ARHGAP28: variants seen among roughly 807,000 people sequenced by gnomAD.
ARHGAP28 encodes Rho GTPase activating protein 28.
A neutral mutation model predicts 90.7 loss-of-function variants in ARHGAP28; 56 were observed. The observed-to-expected ratio is 0.62, with a 90% CI of 0.50 to 0.77. The LOEUF is 0.77. ARHGAP28 is among the 30% of genes least tolerant of loss of function. The pLI is 0.00. For missense variants in ARHGAP28, 869 were observed against 900.9 expected (o/e 0.96, Z 0.45); for synonymous variants, 308 against 323.3 (o/e 0.95, Z 0.51).
chr18:6,907,910 A>G (rs1282620613), intron 16 of ARHGAP28, among the ~76,000 whole-genome samples: 4 of 152,114 alleles, frequency 2.6e-5, no homozygotes, highest in Non-Finnish European at 5.9e-5. Context: ...ACAACAACAA[A>G]AAAAGAGGGC....
At chr18:6,786,966 C>G (rs1004307599) in intron 1 of ARHGAP28, among the ~76,000 whole-genome samples, 2 of 151,890 alleles carry the variant, frequency 1.3e-5, no homozygotes, top group Non-Finnish European at 2.9e-5. Flanking sequence ...TGCCTGTGAT[C>G]CCAGCACTTT....
intron 1 of ARHGAP28, among the ~76,000 whole-genome samples, chr18:6,773,752 G>C (rs1490928831): frequency 6.6e-6 from 1 of 152,078 alleles, no homozygotes; most frequent in Non-Finnish European, 1.5e-5. Flanking sequence ...CAACAGTTAT[G>C]GTTTTTGCTT....
At chr18:6,801,325 T>A (rs1027037610) in intron 1 of ARHGAP28, among the ~76,000 whole-genome samples, 1 of 152,192 alleles carries the variant, frequency 6.6e-6, no homozygotes. Context: ...TAACAACATA[T>A]GTGTTAGTGT....
intron 12 of ARHGAP28, 43 bp from the exon 13 acceptor site, chr18:6,889,845 T>TTGACAG: frequency 6.3e-7 from 1 of 1,589,238 alleles, no homozygotes; most frequent in Non-Finnish European, 8.6e-7. Flanking sequence ...AGGGGCACTT[T>TTGACAG]TGACAGTGTA....
intron 16 of ARHGAP28, chr18:6,898,791 A>C: frequency 8.2e-7 from 1 of 1,217,342 alleles, no homozygotes; most frequent in Non-Finnish European, 1.0e-6. Flanking sequence ...GGAATGGAAA[A>C]CCAAACATCA....
intron 16 of ARHGAP28, among the ~76,000 whole-genome samples, chr18:6,907,491 A>G (rs2057370506): frequency 3.3e-5 from 5 of 152,172 alleles, no homozygotes; most frequent in Admixed American, 3.3e-4. Flanking sequence ...ATAAAAATGC[A>G]GCAACTTGGG....
intron 16 of ARHGAP28, among the ~76,000 whole-genome samples, chr18:6,905,266 T>TA (rs1354784487): frequency 6.6e-6 from 1 of 151,788 alleles, no homozygotes; most frequent in African/African-American, 2.4e-5. Flanking sequence ...GATTTAACAT[T>TA]AAAAAATCAA....
chr18:6,794,136 C>T (rs1274394662), intron 1 of ARHGAP28, among the ~76,000 whole-genome samples: 1 of 152,100 alleles, frequency 6.6e-6, no homozygotes, highest in Non-Finnish European at 1.5e-5. Context: ...AAAATAGCTG[C>T]CACATTTGTT....
At chr18:6,870,943 G>GGC (rs2057082233) in intron 7 of ARHGAP28, among the ~76,000 whole-genome samples, 1 of 152,116 alleles carries the variant, frequency 6.6e-6, no homozygotes. Context: ...TGGGACTACA[G>GGC]GCACCTGCCA....
At chr18:6,898,015 G>C (rs1049773492) in intron 16 of ARHGAP28, 3 of 152,802 alleles carry the variant, frequency 2.0e-5, no homozygotes, top group African/African-American at 7.2e-5. Context: ...TGTTACCATT[G>C]TGGAAAATGG....
At chr18:6,733,401 C>CT (rs1399200321) in intron 1 of ARHGAP28, among the ~76,000 whole-genome samples, 2 of 152,048 alleles carry the variant, frequency 1.3e-5, no homozygotes, top group Non-Finnish European at 2.9e-5. Flanking sequence ...TTTGGGATTC[C>CT]TTCCCACACC....
At position 6,730,219 on chromosome 18, in the gene ARHGAP28, G is replaced by GTATGTA. The variant is rs374482561; in HGVS notation, c.122+277_122+278insATGTAT. ...TTGATACGATTTGAGGATAAGTCAT[G>GTATGTA]TGTATATATATATATATACCTCATT... On this transcript the variant is annotated intron_variant, in intron 1 of 17. Transcript: ENST00000383472. The GTATGTA allele has an allele frequency of 2.5e-5, 4 of 158,806 alleles. 1 individual carries two copies. The highest frequency in any genetic ancestry group is 2.7e-4 in the South Asian group (1 of 3,646). The allele number at this position is 158,806 out of a possible 1,614,324, so 9.8% of individuals were successfully genotyped here.
At chr18:6,858,255 TTGTC>T (rs1429314576) in intron 4 of ARHGAP28, among the ~76,000 whole-genome samples, 2 of 152,186 alleles carry the variant, frequency 1.3e-5, no homozygotes, top group East Asian at 3.8e-4. Context: ...TCTTAATTAT[TTGTC>T]TGCGGCCCTT....
At chr18:6,810,244 T>G (rs527620168) in intron 1 of ARHGAP28, among the ~76,000 whole-genome samples, 25 of 152,258 alleles carry the variant, frequency 1.6e-4, no homozygotes, top group African/African-American at 5.1e-4. Flanking sequence ...TATAAAGGAA[T>G]GAAGGATGGG....
At chr18:6,841,178 CTCCTCTCTCTCTCT>C (rs1393826442) in intron 3 of ARHGAP28, among the ~76,000 whole-genome samples, 2 of 69,492 alleles carry the variant, frequency 2.9e-5, no homozygotes, top group Admixed American at 1.4e-4. Context: ...CTCTCTCTCT[CTCCTCTCTCTCTCT>C]CTCTCTCTCT....
chr18:6,884,387 A>G (rs1036965588), intron 11 of ARHGAP28, among the ~76,000 whole-genome samples: 1 of 152,286 alleles, frequency 6.6e-6, no homozygotes, highest in South Asian at 2.1e-4. Flanking sequence ...AAAGAAAAAA[A>G]AGTCCTTGTT....
chr18:6,773,801 A>G (rs144893605), intron 1 of ARHGAP28, among the ~76,000 whole-genome samples: 1 of 152,252 alleles, frequency 6.6e-6, no homozygotes, highest in East Asian at 1.9e-4. Flanking sequence ...TTAAGTGGAG[A>G]AAAGAAGGAA....
chr18:6,838,795 A>G (rs1409430275), intron 3 of ARHGAP28, among the ~76,000 whole-genome samples: 2 of 152,160 alleles, frequency 1.3e-5, no homozygotes, highest in African/African-American at 4.8e-5. Context: ...CCTAGTGTAA[A>G]CCTGTGTCTT....
intron 5 of ARHGAP28, among the ~76,000 whole-genome samples, chr18:6,860,433 C>A (rs139547129): frequency 6.6e-6 from 1 of 152,152 alleles, no homozygotes; most frequent in Non-Finnish European, 1.5e-5. Flanking sequence ...TTCCCCCTCC[C>A]GTCACCCCCA....
Sources: allele counts gnomAD v4.1 joint callset (sites outside exome capture counted in the v4.1 genomes callset), GRCh38; gene constraint gnomAD v4.1.1; transcripts MANE v1.5; gene names NCBI Gene and HGNC (gene_info 2026-07-23, HGNC 2026-07-21).